The following AKIRIN1 variants were observed in gnomAD, a reference collection of about 807,000 sequenced individuals.
AKIRIN1 encodes the protein akirin 1, also known as akirin-1.
A neutral mutation model predicts 25.9 loss-of-function variants in AKIRIN1; 4 were observed. The ratio of observed to expected loss-of-function variants is 0.15; its 90% CI spans 0.08 to 0.35. The LOEUF (loss-of-function observed/expected upper bound fraction) is 0.35, where lower values mean the gene tolerates loss of function less well. Among genes scored for constraint, AKIRIN1 ranks in the 10% least tolerant of loss-of-function variants. The pLI, the probability that AKIRIN1 is intolerant of heterozygous loss-of-function variation, is 1.00. For synonymous variants in AKIRIN1, 125 were observed against 105.1 expected (o/e 1.19, Z -1.16); for missense variants, 243 against 266.1 (o/e 0.91, Z 0.61).
At chr1:39,000,905 C>T (rs993605742) in intron 2 of AKIRIN1, 67 bp from the exon 3 acceptor site, 2 of 1,502,624 alleles carry the variant, frequency 1.3e-6, no homozygotes, top group Non-Finnish European at 1.8e-6. Context: ...CCTTGGCCTC[C>T]CAAAGTGCTG....
chr1:38,999,714 T>C (rs1319373990), intron 2 of AKIRIN1, among the ~76,000 whole-genome samples: 1 of 152,132 alleles, frequency 6.6e-6, no homozygotes, highest in Non-Finnish European at 1.5e-5. Flanking sequence ...GAGAAAAAAA[T>C]ATCCTTGAGT....
chr1:38,993,024 A>T (rs2889682), intron 1 of AKIRIN1, among the ~76,000 whole-genome samples: 121,499 of 152,172 alleles, frequency 0.8, 48,651 homozygotes, highest in Middle Eastern at 0.87. Context: ...AGTGATGTTT[A>T]GTTCTTCCCT....
intron 1 of AKIRIN1, among the ~76,000 whole-genome samples, chr1:38,993,689 A>C (rs913259163): frequency 1.3e-5 from 2 of 151,586 alleles, no homozygotes; most frequent in African/African-American, 4.8e-5. Context: ...CTGCAATCCC[A>C]GCACTTTGGG....
At chr1:39,000,388 G>A (rs576714527) in intron 2 of AKIRIN1, among the ~76,000 whole-genome samples, 8 of 128,568 alleles carry the variant, frequency 6.2e-5, no homozygotes, top group Admixed American at 2.8e-4. Context: ...TTGTTGCCCC[G>A]TTTGGAGTGC....
chr1:38,998,678 C>T (rs1470394844), intron 2 of AKIRIN1, among the ~76,000 whole-genome samples: 9 of 151,828 alleles, frequency 5.9e-5, no homozygotes, highest in Admixed American at 5.9e-4. Context: ...CTGAGGCAGG[C>T]GGATCTCCTG....
intron 1 of AKIRIN1, 60 bp from the exon 2 acceptor site, chr1:38,998,111 A>G: frequency 3.2e-6 from 5 of 1,539,516 alleles, no homozygotes; most frequent in South Asian, 2.4e-5. Context: ...CCACTTCTGA[A>G]GAAAGTTTGA....
At chr1:38,996,199 A>G (rs1046949741) in intron 1 of AKIRIN1, among the ~76,000 whole-genome samples, 3 of 151,336 alleles carry the variant, frequency 2.0e-5, no homozygotes, top group African/African-American at 7.3e-5. Flanking sequence ...GGTTGAAGCA[A>G]TTCTCCTGCC....
chr1:39,004,007 T>C (rs1276899814), intron 4 of AKIRIN1, 38 bp from the exon 5 acceptor site: 9 of 1,574,906 alleles, frequency 5.7e-6, no homozygotes, highest in Non-Finnish European at 7.8e-6. Flanking sequence ...CAGTTTTTAG[T>C]ATTCTTACCC....
intron 3 of AKIRIN1, among the ~76,000 whole-genome samples, chr1:39,001,540 A>C (rs1643991907): frequency 6.6e-6 from 1 of 152,016 alleles, no homozygotes; most frequent in African/African-American, 2.4e-5. Flanking sequence ...TGCTTGGATT[A>C]CAGGCGTGAG....
intron 4 of AKIRIN1, 120 bp downstream of exon 4, chr1:39,003,538 A>G: frequency 1.2e-6 from 1 of 868,380 alleles, no homozygotes; most frequent in Non-Finnish European, 1.8e-6. Flanking sequence ...GCACTATGCT[A>G]AGAGTATTAA....
At chr1:38,992,585 A>G (rs886339969) in intron 1 of AKIRIN1, among the ~76,000 whole-genome samples, 2 of 152,078 alleles carry the variant, frequency 1.3e-5, no homozygotes, top group African/African-American at 4.8e-5. Flanking sequence ...CTGCATATCG[A>G]TCCACAATGC....
At chr1:38,996,840 CTCTT>C (rs1181218359) in intron 1 of AKIRIN1, among the ~76,000 whole-genome samples, 1 of 152,174 alleles carries the variant, frequency 6.6e-6, no homozygotes, top group Admixed American at 6.5e-5. Context: ...GCCCATAACA[CTCTT>C]AAAGCATCTC....
At chr1:38,998,663 G>A (rs1054882347) in intron 2 of AKIRIN1, among the ~76,000 whole-genome samples, 1 of 152,002 alleles carries the variant, frequency 6.6e-6, no homozygotes, top group South Asian at 2.1e-4. Context: ...TAGCACTTTG[G>A]GAGGCTGAGG....
intron 1 of AKIRIN1, among the ~76,000 whole-genome samples, chr1:38,994,701 TTTTTTG>T: frequency 1.2e-5 from 1 of 84,960 alleles, no homozygotes; most frequent in Admixed American, 1.2e-4. Flanking sequence ...TTTTTTTTTT[TTTTTTG>T]AGATGACGTT....
Position 39,000,993 on chromosome 1 carries a change from A to C in AKIRIN1, c.383A>C (p.Asp128Ala), listed in dbSNP as rs1557643072. Residue 128 changes from aspartate to alanine, a missense_variant, in exon 3 of 5, where the codon GAC becomes GCC. Physicochemically the swap from Asp to Ala is moderately radical, Grantham distance 126 (BLOSUM62 -2). Around this residue, in one of 3 missense-constraint regions of AKIRIN1, gnomAD observed 190 missense variants for 174.4 expected, o/e 1.09. Transcript: ENST00000432648. The part of the protein sequence containing the change: ...SSPGSSWMKK[D>A]QPTFTLRQVG... ...CCAGGTTCCTCATGGATGAAGAAGG[A>C]CCAGCCCACATTTACCCTCCGACAA... The C allele has an allele frequency of 7.4e-6, 12 of 1,612,970 alleles. No individual in the cohort carries two copies. The highest frequency in any genetic ancestry group is 1.0e-5 in the Non-Finnish European group (12 of 1,179,630).
At position 39,003,342 on chromosome 1, in the gene AKIRIN1, C is replaced by A. The variant is rs750313271; in HGVS notation, c.497-5C>A. 1 of 1,613,106 alleles carries A rather than the reference C, an allele frequency of 6.2e-7. No individual in the cohort carries two copies. Among genetic ancestry groups the A allele is most frequent in the African/African-American group, 1.3e-5 (1 of 74,868 alleles). Reference sequence around the variant, plus strand: ...TGAGGATAAGTATGTACTGTCTTCTCACAGAACAATATGAATCTTTTGTGA... The same window carrying A: ...TGAGGATAAGTATGTACTGTCTTCTAACAGAACAATATGAATCTTTTGTGA... On this transcript the variant is annotated splice_polypyrimidine_tract_variant and splice_region_variant and intron_variant, in intron 3 of 4. Transcript: ENST00000432648.
intron 1 of AKIRIN1, among the ~76,000 whole-genome samples, 189 bp downstream of exon 1, chr1:38,991,789 G>A (rs977205282): frequency 2.0e-5 from 3 of 152,152 alleles, no homozygotes; most frequent in African/African-American, 7.2e-5. Flanking sequence ...AGGGGTAATG[G>A]GGCCACAGGG....
At chr1:39,001,179 GAA>G (rs1477760574) in intron 3 of AKIRIN1, 73 bp downstream of exon 3, 2 of 1,499,722 alleles carry the variant, frequency 1.3e-6, no homozygotes, top group African/African-American at 2.8e-5. Flanking sequence ...AAATAACTTA[GAA>G]AAAGAGAGTA....
intron 2 of AKIRIN1, among the ~76,000 whole-genome samples, chr1:38,999,046 G>A (rs1376828778): frequency 2.0e-5 from 3 of 152,088 alleles, no homozygotes; most frequent in Admixed American, 2.0e-4. Context: ...TGGTCAAAGA[G>A]GATGTGCTAA....
Sources: gnomAD v4.1 joint callset for allele counts (sites outside exome capture counted in the v4.1 genomes callset) on GRCh38, gnomAD v4.1.1 for gene constraint, gnomAD v4.1.1 regional missense constraint, MANE v1.5 for transcripts, NCBI Gene and HGNC (gene_info 2026-07-23, HGNC 2026-07-21) for gene names.